The following LRRC4C variants were observed in gnomAD, a reference collection of about 807,000 sequenced individuals.
LRRC4C encodes the protein leucine-rich repeat-containing protein 4C.
In LRRC4C, 5 loss-of-function variants were observed where a neutral mutation model predicts 33.6. The observed-to-expected ratio is 0.15, with a 90% CI of 0.08 to 0.31. The LOEUF is 0.31. LRRC4C is among the 10% of genes least tolerant of loss of function. The probability of loss-of-function intolerance (pLI) is 1.00; values close to 1 mark genes in which losing one functional copy is unlikely to be tolerated. For synonymous variants in LRRC4C, 329 were observed against 302.0 expected (o/e 1.09, Z -0.93); for missense variants, 560 against 796.7 (o/e 0.70, Z 3.58).
intron 1 of LRRC4C, among the ~76,000 whole-genome samples, chr11:41,207,015 A>G (rs915088665): frequency 2.6e-5 from 4 of 152,208 alleles, no homozygotes; most frequent in African/African-American, 9.7e-5. Flanking sequence ...TGTATAGATT[A>G]GCAAAAAGTA....
chr11:40,182,064 C>A (rs952714498), intron 5 of LRRC4C, among the ~76,000 whole-genome samples: 8 of 152,118 alleles, frequency 5.3e-5, no homozygotes, highest in East Asian at 3.9e-4. Context: ...ATGAGGTAAA[C>A]CCAAATGTTC....
chr11:41,130,722 T>C (rs941065736), intron 1 of LRRC4C, among the ~76,000 whole-genome samples: 3 of 152,132 alleles, frequency 2.0e-5, no homozygotes, highest in Admixed American at 1.3e-4. Context: ...AAAGTATGAA[T>C]TTACCAGCTG....
intron 1 of LRRC4C, among the ~76,000 whole-genome samples, chr11:41,071,336 C>A (rs1368911164): frequency 6.6e-6 from 1 of 152,012 alleles, no homozygotes; most frequent in Non-Finnish European, 1.5e-5. Flanking sequence ...TTGATAGGTG[C>A]AGCAAACCAC....
At chr11:40,280,322 T>C (rs1315306534) in intron 4 of LRRC4C, among the ~76,000 whole-genome samples, 1 of 152,200 alleles carries the variant, frequency 6.6e-6, no homozygotes, top group East Asian at 1.9e-4. Flanking sequence ...CCTGAAGTGA[T>C]GGCGCTGTGC....
intron 2 of LRRC4C, among the ~76,000 whole-genome samples, chr11:40,900,080 T>C (rs1592034025): frequency 6.6e-6 from 1 of 152,108 alleles, no homozygotes; most frequent in South Asian, 2.1e-4. Context: ...ATTTGTTTTA[T>C]TTTTTTATAT....
At chr11:41,018,188 C>G (rs1461636529) in intron 1 of LRRC4C, among the ~76,000 whole-genome samples, 1 of 151,858 alleles carries the variant, frequency 6.6e-6, no homozygotes, top group Non-Finnish European at 1.5e-5. Context: ...CTTCCCTGCC[C>G]CAAATAAAAT....
chr11:41,191,120 T>C (rs7943825), intron 1 of LRRC4C, among the ~76,000 whole-genome samples: 30,404 of 152,076 alleles, frequency 0.2, 3,646 homozygotes, highest in African/African-American at 0.33. Context: ...TGTATCTTAA[T>C]AGTGGCTTAT....
intron 2 of LRRC4C, among the ~76,000 whole-genome samples, chr11:40,673,640 TC>T (rs1412325957): frequency 6.6e-6 from 1 of 152,130 alleles, no homozygotes; most frequent in African/African-American, 2.4e-5. Flanking sequence ...AGGACAAGAA[TC>T]CCCATTTTAA....
chr11:41,443,284 GAT>G (rs888322585), intron 1 of LRRC4C, among the ~76,000 whole-genome samples: 1 of 151,968 alleles, frequency 6.6e-6, no homozygotes, highest in African/African-American at 2.4e-5. Context: ...AAGGCAAGAG[GAT>G]CACTTGAGCT....
At chr11:41,349,659 G>A (rs1471174040) in intron 1 of LRRC4C, among the ~76,000 whole-genome samples, 3 of 151,842 alleles carry the variant, frequency 2.0e-5, no homozygotes, top group Admixed American at 2.0e-4. Context: ...CAAGCAAAAA[G>A]CCCCAACTAA....
At chr11:40,583,710 C>T (rs1022401922) in intron 3 of LRRC4C, among the ~76,000 whole-genome samples, 2 of 151,948 alleles carry the variant, frequency 1.3e-5, no homozygotes, top group Non-Finnish European at 2.9e-5. Context: ...GTTTGCTCAC[C>T]GATCTCATCA....
At chr11:41,116,660 A>T (rs764871613) in intron 1 of LRRC4C, among the ~76,000 whole-genome samples, 1 of 152,142 alleles carries the variant, frequency 6.6e-6, no homozygotes, top group African/African-American at 2.4e-5. Flanking sequence ...AGACAAAGTG[A>T]GTTGCTAAAA....
chr11:41,215,348 C>T (rs1247003776), intron 1 of LRRC4C, among the ~76,000 whole-genome samples: 2 of 151,730 alleles, frequency 1.3e-5, no homozygotes, highest in Non-Finnish European at 2.9e-5. Flanking sequence ...AGTAGCTGGA[C>T]GTGGTGGTGC....
chr11:40,647,458 C>A (rs889300511), intron 3 of LRRC4C, among the ~76,000 whole-genome samples: 18 of 152,092 alleles, frequency 1.2e-4, no homozygotes, highest in African/African-American at 3.6e-4. Flanking sequence ...CCCCTTGACT[C>A]TTGATGGTAT....
At chr11:40,400,963 T>C (rs1335499009) in intron 3 of LRRC4C, among the ~76,000 whole-genome samples, 1 of 152,178 alleles carries the variant, frequency 6.6e-6, no homozygotes, top group East Asian at 1.9e-4. Flanking sequence ...GACTATCTTG[T>C]TTAATTTTAT....
At chr11:40,417,496 T>G (rs1950369212) in intron 3 of LRRC4C, among the ~76,000 whole-genome samples, 1 of 151,862 alleles carries the variant, frequency 6.6e-6, no homozygotes, top group African/African-American at 2.4e-5. Context: ...CTTGCCCAGC[T>G]AATTTTTTAT....
At chr11:41,424,319 T>C (rs1281697119) in intron 1 of LRRC4C, among the ~76,000 whole-genome samples, 1 of 152,052 alleles carries the variant, frequency 6.6e-6, no homozygotes, top group Non-Finnish European at 1.5e-5. Flanking sequence ...CACAGTATCA[T>C]AACTCACAGG....
intron 1 of LRRC4C, among the ~76,000 whole-genome samples, chr11:41,304,136 CT>C (rs1950386285): frequency 1.2e-5 from 1 of 85,664 alleles, no homozygotes; most frequent in African/African-American, 3.1e-5. Flanking sequence ...TGAGGAGCCC[CT>C]CAGCCCGGCC....
chr11:41,249,036 C>CTTTTT (rs554360740), intron 1 of LRRC4C, among the ~76,000 whole-genome samples: 1 of 148,984 alleles, frequency 6.7e-6, no homozygotes. Flanking sequence ...AAGATACTGT[C>CTTTTT]TTCTTTTTTT....
Sources: gnomAD v4.1 joint callset for allele counts (sites outside exome capture counted in the v4.1 genomes callset) on GRCh38, gnomAD v4.1.1 for gene constraint, MANE v1.5 for transcripts, NCBI Gene and HGNC (gene_info 2026-07-23, HGNC 2026-07-21) for gene names.